DEPDC5: variants seen among roughly 807,000 people sequenced by gnomAD.
DEPDC5 encodes the protein GATOR1 complex protein DEPDC5.
A neutral mutation model predicts 217.3 loss-of-function variants in DEPDC5; 73 were observed. The ratio of observed to expected loss-of-function variants is 0.34; its 90% confidence interval spans 0.28 to 0.41. The LOEUF (loss-of-function observed/expected upper bound fraction) is 0.41, where lower values mean the gene tolerates loss of function less well. DEPDC5 is among the 10% of genes least tolerant of loss of function. The pLI, the probability that DEPDC5 is intolerant of heterozygous loss-of-function variation, is 1.00. For synonymous variants in DEPDC5, 733 were observed against 756.7 expected, an observed-to-expected ratio of 0.97 and a Z score of 0.51; for missense variants, 1,675 against 2,070.1, an observed-to-expected ratio of 0.81 and a Z score of 3.70.
In DEPDC5 at chr22:31,857,567, C is replaced by T. The variant is rs980103642; in HGVS notation, c.3264+14C>T. ...AGCCCACGAAAGGTAAAGGAAGCCG[C>T]GGTAGCAGGGAGCTGTTCTGTGCTC... On this transcript the variant is annotated intron_variant, in intron 32 of 42. Transcript: ENST00000651528. 15 of 1,595,188 alleles carry T rather than the reference C, an allele frequency of 9.4e-6. No individual in the cohort carries two copies. The highest frequency in any genetic ancestry group is 3.5e-5 in the Admixed American group (2 of 57,618).
intron 38 of DEPDC5, among the ~76,000 whole-genome samples, chr22:31,884,705 T>G (rs990945201): frequency 1.7e-4 from 26 of 152,114 alleles, no homozygotes; most frequent in Non-Finnish European, 5.9e-5. Context: ...CACTGCCAAA[T>G]TTCTATCTCC....
chr22:31,906,642 G>C lies in DEPDC5; in HGVS notation c.*145G>C, dbSNP rs183310471. On this transcript the variant is annotated 3_prime_UTR_variant, in exon 43 of 43. Transcript: ENST00000651528. The surrounding 1 kb of genome is among the most constrained non-coding windows in gnomAD (Gnocchi z 5.1). Reference sequence around the variant, plus strand: ...GCCATTGTTTTTTGTTTGTTTGTTTGTTTGTTTGTTTGTTTTTGGCCCCCA... The same window carrying C: ...GCCATTGTTTTTTGTTTGTTTGTTTCTTTGTTTGTTTGTTTTTGGCCCCCA... The C allele has an allele frequency of 5.2e-5, 58 of 1,112,074 alleles. No homozygotes were observed. Among genetic ancestry groups the C allele is most frequent in the Non-Finnish European group, 4.6e-5 (36 of 788,368 alleles). 68.9% of individuals were successfully genotyped at this position (1,112,074 alleles called of 1,614,324 possible).
intron 2 of DEPDC5, 47 bp from the exon 3 acceptor site, chr22:31,758,499 T>C (rs746252599): frequency 6.5e-7 from 1 of 1,541,380 alleles, no homozygotes; most frequent in Non-Finnish European, 9.0e-7. Flanking sequence ...ACATACAGTG[T>C]ACCTAATGAG....
rs573098477 is a variant in DEPDC5, at chr22:31,866,923, G to A, written c.3331-3667G>A. 4.6e-5 allele frequency among the ~76,000 whole-genome samples: 7 copies of A among 152,286 alleles called. 1 individual carries two copies. Among genetic ancestry groups the A allele is most frequent in the African/African-American group, 1.7e-4 (7 of 41,552 alleles). On this transcript the variant is annotated intron_variant, in intron 33 of 42. Coordinates refer to ENST00000651528, the MANE Select transcript of DEPDC5 (RefSeq NM_001242896.3). ...AATCTTCATCACTCCTTCATCACTT[G>A]GTTAATGTCATATTTGTTAGCCATC... is the stretch of plus-strand genomic sequence containing the variant.
intron 10 of DEPDC5, among the ~76,000 whole-genome samples, chr22:31,786,722 A>C (rs138289): frequency 1.3e-5 from 2 of 151,804 alleles, no homozygotes; most frequent in African/African-American, 2.4e-5. Flanking sequence ...CTCTTGCCTC[A>C]GCTTCTTGAG....
At chr22:31,849,501 G>A (rs903262456) in intron 31 of DEPDC5, among the ~76,000 whole-genome samples, 3 of 152,004 alleles carry the variant, frequency 2.0e-5, no homozygotes, top group African/African-American at 4.8e-5. Context: ...TCAGATCTTG[G>A]TGGGCATAGT....
At chr22:31,766,471 T>A (rs1020576142) in intron 5 of DEPDC5, 114 bp from the exon 6 acceptor site, 6 of 947,418 alleles carry the variant, frequency 6.3e-6, no homozygotes, top group Non-Finnish European at 1.0e-5. Flanking sequence ...TGAATGGTCT[T>A]CCAGTAGTTT....
intron 23 of DEPDC5, 69 bp downstream of exon 23, chr22:31,821,706 A>G: frequency 6.4e-7 from 1 of 1,570,848 alleles, no homozygotes; most frequent in Non-Finnish European, 8.7e-7. Flanking sequence ...CAATGTGCAG[A>G]ACAGACTATT....
At position 31,873,272 on chromosome 22, in the gene DEPDC5, C is replaced by T. The variant is rs369312265; in HGVS notation, c.3503C>T (p.Ala1168Val). 6.2e-7 allele frequency: 1 copy of T among 1,614,106 alleles called. No individual in the cohort carries two copies. Among genetic ancestry groups the T allele is most frequent in the Non-Finnish European group, 8.5e-7 (1 of 1,179,980 alleles). Residue 1168 changes from alanine (A) to valine (V), a missense_variant, in exon 35 of 43, where the codon GCA (alanine) becomes GTA (valine). Coordinates refer to ENST00000651528, the MANE Select transcript of DEPDC5 (RefSeq NM_001242896.3). Reference sequence around the variant, plus strand: ...TGTTACAGCTCTCAGCAGCTGGTGGCAAGCTCCTTGACCTCATCCTCTACC... The same window carrying T: ...TGTTACAGCTCTCAGCAGCTGGTGGTAAGCTCCTTGACCTCATCCTCTACC... The part of the protein sequence containing the change: ...SSDSSSQQLV[A>V]SSLTSSSTLT...
At chr22:31,890,508 G>A (rs114841571) in intron 38 of DEPDC5, 83 of 151,834 alleles carry the variant, frequency 5.5e-4, no homozygotes, top group African/African-American at 1.8e-3. Context: ...CTAGGAGTTC[G>A]AGATAAGCCT....
At chr22:31,760,591 G>A in intron 3 of DEPDC5, 65 bp from the exon 4 acceptor site, 3 of 1,447,032 alleles carry the variant, frequency 2.1e-6, no homozygotes, top group South Asian at 2.4e-5. Context: ...CTTTTGTCGG[G>A]GATGAAGGTT....
intron 24 of DEPDC5, among the ~76,000 whole-genome samples, chr22:31,830,663 GTGTGT>G (rs1230920826): frequency 1.3e-5 from 2 of 151,434 alleles, no homozygotes; most frequent in Middle Eastern, 3.2e-3. Context: ...GTGTGTGTGT[GTGTGT>G]GTAGGTAGGT....
At chr22:31,895,880 G>T (rs112762893) in intron 39 of DEPDC5, among the ~76,000 whole-genome samples, 2 of 151,900 alleles carry the variant, frequency 1.3e-5, no homozygotes, top group Non-Finnish European at 2.9e-5. Context: ...ACAGCCTGCT[G>T]CTCATTCTGC....
Position 31,906,163 on chromosome 22 carries a change from CCTCCTGGTGGCTGCCACACAGGCG to C in DEPDC5, c.4520-37_4520-14del, listed in dbSNP as rs2093754697. On this transcript the variant is annotated intron_variant, in intron 42 of 42. Coordinates refer to ENST00000651528, the MANE Select transcript of DEPDC5 (RefSeq NM_001242896.3). This position sits in a 1 kb window ranked among gnomAD's most constrained non-coding sequence, Gnocchi z 5.1. ...AACCACCTCAGCAGGCTCCAGGAGC[CCTCCTGGTGGCTGCCACACAGGCG>C]CTCCCCTTTCTCTTCAGGAACAGTG... 3.1e-6 allele frequency: 5 copies of C among 1,612,454 alleles called. No individual in the cohort carries two copies. Among genetic ancestry groups the C allele is most frequent in the Non-Finnish European group, 4.2e-6 (5 of 1,178,918 alleles).
chr22:31,845,127 G>T lies in DEPDC5; in HGVS notation c.2911G>T (p.Asp971Tyr). The T allele has an allele frequency of 1.2e-6, 2 of 1,614,216 alleles. No individual in the cohort carries two copies. The highest frequency in any genetic ancestry group is 1.7e-6 in the Non-Finnish European group (2 of 1,180,036). ...EGEAHCDIYG[D>Y]RPRADEDEWQ... is the part of the protein sequence containing the mutation. ...GGAGGCCCACTGCGACATCTATGGG[G>T]ACAGGCCCCGTGCAGACGAGGACGA... The change falls in exon 30 of 43, where the codon GAC (aspartate) becomes TAC (tyrosine). Residue 971 changes from aspartate to tyrosine, a missense_variant. Asp to Tyr is a radical substitution (Grantham distance 160). Transcript: ENST00000651528.
intron 33 of DEPDC5, among the ~76,000 whole-genome samples, chr22:31,864,501 AATATATAT>A (rs34148134): frequency 2.4e-5 from 3 of 123,162 alleles, no homozygotes; most frequent in South Asian, 2.8e-4. Flanking sequence ...TCTTCATTAA[AATATATAT>A]ATATATATAT....
intron 24 of DEPDC5, among the ~76,000 whole-genome samples, chr22:31,829,390 G>A (rs1182954367): frequency 6.6e-6 from 1 of 152,116 alleles, no homozygotes; most frequent in East Asian, 1.9e-4. Context: ...ATATTAGCTG[G>A]GCGTGGTGGC....
intron 10 of DEPDC5, among the ~76,000 whole-genome samples, chr22:31,785,738 A>T (rs1325269691): frequency 6.6e-6 from 1 of 152,198 alleles, no homozygotes; most frequent in African/African-American, 2.4e-5. Flanking sequence ...GAATAGTGTG[A>T]TATTGGCATA....
At chr22:31,869,353 G>A (rs16989587) in intron 33 of DEPDC5, among the ~76,000 whole-genome samples, 3,458 of 152,042 alleles carry the variant, frequency 0.023, 124 homozygotes, top group African/African-American at 0.073. Flanking sequence ...GGCCTCGGGC[G>A]GACTGAATCG....
Sources: gnomAD v4.1 joint callset for allele counts (sites outside exome capture counted in the v4.1 genomes callset) on GRCh38, gnomAD v4.1.1 for gene constraint, Gnocchi (gnomAD v3.1) non-coding constraint, MANE v1.5 for transcripts, NCBI Gene and HGNC (gene_info 2026-07-23, HGNC 2026-07-21) for gene names.